Variants in G3BP2 observed in about 807,000 individuals in gnomAD.
G3BP2 encodes the protein G3BP stress granule assembly factor 2, also known as ras GTPase-activating protein-binding protein 2.
In G3BP2, 11 loss-of-function variants were observed where a neutral mutation model predicts 56.7. The observed-to-expected ratio is 0.19, with a 90% CI of 0.12 to 0.32. G3BP2 has a LOEUF of 0.32. Ranked by LOEUF, G3BP2 falls within the 10% of genes least tolerant of loss-of-function variation. The probability of loss-of-function intolerance (pLI) is 1.00; values close to 1 mark genes in which losing one functional copy is unlikely to be tolerated. For synonymous variants in G3BP2, 165 were observed against 191.6 expected (o/e 0.86, Z 1.15); for missense variants, 340 against 610.9 (o/e 0.56, Z 4.67).
intron 3 of G3BP2, among the ~76,000 whole-genome samples, chr4:75,699,430 G>C (rs1403800988): frequency 6.6e-6 from 1 of 152,164 alleles, no homozygotes; most frequent in Non-Finnish European, 1.5e-5. Context: ...CAGAAGAAGA[G>C]CAGAGTTTCA....
At chr4:75,654,679 A>G (rs1731951384) in intron 7 of G3BP2, among the ~76,000 whole-genome samples, 1 of 152,244 alleles carries the variant, frequency 6.6e-6, no homozygotes, top group South Asian at 2.1e-4. Flanking sequence ...CACAAACAAC[A>G]GGTATCTCTT....
At chr4:75,655,615 T>G (rs1732036249) in intron 6 of G3BP2, among the ~76,000 whole-genome samples, 153 bp downstream of exon 6, 1 of 152,234 alleles carries the variant, frequency 6.6e-6, no homozygotes, top group African/African-American at 2.4e-5. Context: ...AAACCATTCT[T>G]TCCAAATTTC....
intron 1 of G3BP2, among the ~76,000 whole-genome samples, chr4:75,671,870 AG>A (rs1022915107): frequency 2.0e-5 from 3 of 152,242 alleles, no homozygotes; most frequent in Non-Finnish European, 2.9e-5. Flanking sequence ...GGATGCTAAC[AG>A]GGCCAAAAGT....
chr4:75,713,745 G>A (rs1402880521), intron 3 of G3BP2, among the ~76,000 whole-genome samples: 4 of 152,128 alleles, frequency 2.6e-5, no homozygotes, highest in Admixed American at 2.6e-4. Context: ...GCTATGAATG[G>A]GGCACTATAC....
At chr4:75,698,545 G>A (rs4349625) in intron 3 of G3BP2, among the ~76,000 whole-genome samples, 133,127 of 151,990 alleles carry the variant, frequency 0.88, 58,321 homozygotes, top group East Asian at 0.91. Context: ...CTACAATAAT[G>A]CAATATTTCC....
rs1731066774 is a variant in G3BP2, at chr4:75,644,330, C to A, written c.*1100G>T. On this transcript the variant is annotated 3_prime_UTR_variant, in exon 12 of 12. Coordinates refer to ENST00000359707, the MANE Select transcript of G3BP2 (RefSeq NM_203505.3). The stretch of plus-strand genomic sequence containing the variant: ...CCCACAAACACACAGGACTCCCTCC[C>A]TCCCACAGAGAACACAAAGTTGTTA... The A allele has an allele frequency of 6.6e-6, 1 of 152,596 alleles. No homozygotes were observed. Among genetic ancestry groups the A allele is most frequent in the Non-Finnish European group, 1.5e-5 (1 of 68,040 alleles). 9.5% of individuals were successfully genotyped at this position (152,596 alleles called of 1,614,324 possible). A position where few individuals can be genotyped will look rare whatever the true frequency, so the allele number is the denominator to read the frequency against.
chr4:75,673,138 C>T lies in G3BP2; in HGVS notation c.-25+70G>A, dbSNP rs991469910. Reference sequence around the variant, plus strand: ...TCACACACCGGACGATTGCCTCGCGCCGCGGAGCGCGAATGGAATGTCCCT... The same window carrying T: ...TCACACACCGGACGATTGCCTCGCGTCGCGGAGCGCGAATGGAATGTCCCT... On this transcript the variant is annotated intron_variant, in intron 1 of 11. Transcript: ENST00000359707. 130 of 1,117,062 alleles carry T rather than the reference C, an allele frequency of 1.2e-4. 1 individual carries two copies. Among genetic ancestry groups the T allele is most frequent in the Non-Finnish European group, 1.4e-4 (126 of 914,998 alleles). 69.2% of individuals were successfully genotyped at this position (1,117,062 alleles called of 1,614,324 possible).
rs185364777 is a variant in G3BP2, at chr4:75,668,922, C to T, written c.-25+4286G>A. Among the ~76,000 whole-genome samples, 285 of 152,252 alleles carry T rather than the reference C, an allele frequency of 1.9e-3. 1 individual carries two copies. Among genetic ancestry groups the T allele is most frequent in the African/African-American group, 6.6e-3 (275 of 41,544 alleles). ...TCTGCCCTAAATTACTAACTGTACA[C>T]CTGTCTTCATCTTCTATTCCCCTCT... On this transcript the variant is annotated intron_variant, in intron 1 of 11. Coordinates refer to ENST00000359707, the MANE Select transcript of G3BP2 (RefSeq NM_203505.3).
At chr4:75,721,494 A>G (rs7661037) in intron 2 of G3BP2, among the ~76,000 whole-genome samples, 82,169 of 151,366 alleles carry the variant, frequency 0.54, 23,532 homozygotes, top group East Asian at 0.81. Context: ...CTGAGCTTAA[A>G]TGATCCTCCC....
At chr4:75,722,919 C>G (rs545353808) in intron 1 of G3BP2, among the ~76,000 whole-genome samples, 55 of 152,252 alleles carry the variant, frequency 3.6e-4, no homozygotes, top group African/African-American at 1.3e-3. Flanking sequence ...ATCAATATCA[C>G]CTTTTATGAG....
At chr4:75,697,273 CAAAAAAAAAAAAAA>C (rs869037819) in intron 3 of G3BP2, among the ~76,000 whole-genome samples, 1 of 28,832 alleles carries the variant, frequency 3.5e-5, no homozygotes, top group Non-Finnish European at 5.8e-5. Context: ...GACTCTGTCT[CAAAAAAAAAAAAAA>C]AAAAAAAAAA....
intron 1 of G3BP2, among the ~76,000 whole-genome samples, chr4:75,671,673 A>G (rs1163355136): frequency 6.6e-6 from 1 of 152,210 alleles, no homozygotes; most frequent in East Asian, 1.9e-4. Context: ...TATTCCTACA[A>G]TTCCTTGACT....
chr4:75,672,485 G>A (rs1028721487), intron 1 of G3BP2: 2 of 152,210 alleles, frequency 1.3e-5, no homozygotes, highest in African/African-American at 4.8e-5. Flanking sequence ...ATAAGAGGGG[G>A]ACGAAGAAGG....
intron 1 of G3BP2, among the ~76,000 whole-genome samples, chr4:75,671,367 C>T (rs537200905): frequency 1.2e-4 from 19 of 152,274 alleles, no homozygotes; most frequent in Middle Eastern, 3.4e-3. Flanking sequence ...GATAATTTTG[C>T]AGGATAAGGA....
At chr4:75,698,137 T>C (rs1166538131) in intron 3 of G3BP2, among the ~76,000 whole-genome samples, 5 of 152,204 alleles carry the variant, frequency 3.3e-5, no homozygotes, top group African/African-American at 4.8e-5. Context: ...ATGATTAAAT[T>C]AAGAATCTTC....
intron 1 of G3BP2, among the ~76,000 whole-genome samples, chr4:75,663,036 CTCTT>C (rs529985320): frequency 2.5e-3 from 383 of 152,270 alleles, no homozygotes; most frequent in African/African-American, 8.8e-3. Context: ...TATTATGTCT[CTCTT>C]TCTTTCCACT....
At chr4:75,696,002 G>A (rs28774403) in intron 3 of G3BP2, among the ~76,000 whole-genome samples, 3,825 of 8,216 alleles carry the variant, frequency 0.47, 1,088 homozygotes, top group Middle Eastern at 0.83. Context: ...AAAAAAAAAA[G>A]AGTTAACAGA....
intron 1 of G3BP2, chr4:75,723,943 G>T (rs1324362803): frequency 2.6e-5 from 4 of 151,382 alleles, no homozygotes; most frequent in Non-Finnish European, 5.9e-5. Context: ...AGTTAATAAC[G>T]AAACATTATG....
At chr4:75,721,352 G>A (rs1328586914) in intron 2 of G3BP2, among the ~76,000 whole-genome samples, 1 of 151,240 alleles carries the variant, frequency 6.6e-6, no homozygotes, top group East Asian at 1.9e-4. Context: ...AGGCTCCAGC[G>A]ATCCTCCCAC....
Sources: gnomAD v4.1 joint callset for allele counts (sites outside exome capture counted in the v4.1 genomes callset) on GRCh38, gnomAD v4.1.1 for gene constraint, MANE v1.5 for transcripts, NCBI Gene and HGNC (gene_info 2026-07-23, HGNC 2026-07-21) for gene names.